The following PDZD2 variants were observed in gnomAD, a reference collection of about 807,000 sequenced individuals.
The protein encoded by PDZD2 is PDZ domain-containing protein 2.
Under a neutral mutation model 220.7 loss-of-function variants are expected in PDZD2, and 90 were observed. The observed-to-expected ratio is 0.41, with a 90% CI of 0.34 to 0.49. The LOEUF (loss-of-function observed/expected upper bound fraction) is 0.49. PDZD2 is among the 20% of genes least tolerant of loss of function. The pLI is 0.28. For missense variants in PDZD2, 3,174 were observed against 3,608.5 expected (o/e 0.88, Z 3.08); for synonymous variants, 1,375 against 1,450.5 (o/e 0.95, Z 1.18).
chr5:31,953,264 G>A (rs2111628165), intron 2 of PDZD2, among the ~76,000 whole-genome samples: 1 of 152,124 alleles, frequency 6.6e-6, no homozygotes, highest in South Asian at 2.1e-4. Context: ...AAAAGCAGAA[G>A]ATGAAAGACA....
At chr5:31,699,746 G>A (rs950244796) in intron 1 of PDZD2, among the ~76,000 whole-genome samples, 8 of 151,648 alleles carry the variant, frequency 5.3e-5, no homozygotes, top group African/African-American at 1.9e-4. Flanking sequence ...TGGGATTCCA[G>A]GCATACTACC....
intron 1 of PDZD2, among the ~76,000 whole-genome samples, chr5:31,697,492 C>T (rs1181565436): frequency 1.3e-5 from 2 of 152,084 alleles, no homozygotes; most frequent in African/African-American, 4.8e-5. Flanking sequence ...AAAAGAAAAT[C>T]GGAAAGAACA....
intron 1 of PDZD2, among the ~76,000 whole-genome samples, chr5:31,724,942 T>C (rs1026766): frequency 0.2 from 31,029 of 152,148 alleles, 3,357 homozygotes; most frequent in African/African-American, 0.28. Flanking sequence ...TTTCACCAAA[T>C]ACTTCAAGCA....
At chr5:31,944,893 A>G (rs1746503195) in intron 2 of PDZD2, among the ~76,000 whole-genome samples, 1 of 152,224 alleles carries the variant, frequency 6.6e-6, no homozygotes, top group Non-Finnish European at 1.5e-5. Flanking sequence ...CCTGTAGCCA[A>G]TTACCTCAGC....
chr5:31,920,597 A>G (rs1487316314), intron 2 of PDZD2, among the ~76,000 whole-genome samples: 1 of 151,982 alleles, frequency 6.6e-6, no homozygotes, highest in Non-Finnish European at 1.5e-5. Context: ...ACTTGAGGCC[A>G]GGAATTTGAG....
intron 5 of PDZD2, among the ~76,000 whole-genome samples, chr5:32,001,087 G>A (rs190167449): frequency 6.6e-6 from 1 of 152,342 alleles, no homozygotes; most frequent in East Asian, 1.9e-4. Context: ...AGGTGGGACA[G>A]TTTCATACCA....
At chr5:32,024,724 A>G (rs1280345057) in intron 6 of PDZD2, among the ~76,000 whole-genome samples, 22 of 151,800 alleles carry the variant, frequency 1.4e-4, no homozygotes, top group Admixed American at 1.4e-3. Flanking sequence ...AAAGAAAGAA[A>G]CGTGGGGTTT....
intron 1 of PDZD2, among the ~76,000 whole-genome samples, chr5:31,766,910 T>C (rs1752056352): frequency 6.6e-6 from 1 of 151,508 alleles, no homozygotes; most frequent in Admixed American, 6.6e-5. Context: ...ATATTTTTAG[T>C]AGAGACTGGG....
chr5:31,894,630 C>G (rs767171473), intron 2 of PDZD2, among the ~76,000 whole-genome samples: 2 of 152,146 alleles, frequency 1.3e-5, no homozygotes, highest in Non-Finnish European at 2.9e-5. Flanking sequence ...ACACTTATAA[C>G]ATGGTTATAA....
chr5:31,714,422 T>TG (rs892434423), intron 1 of PDZD2, among the ~76,000 whole-genome samples: 1 of 152,102 alleles, frequency 6.6e-6, no homozygotes, highest in African/African-American at 2.4e-5. Context: ...GGTAGATGGA[T>TG]GGGGGATGTT....
chr5:31,778,850 AG>A lies in PDZD2; in HGVS notation c.-360-20037del. Among the ~76,000 whole-genome samples, 3 of 152,278 alleles carry A rather than the reference AG, an allele frequency of 2.0e-5. No individual in the cohort carries two copies. In the Middle Eastern group the frequency reaches 0.01, roughly 518 times the overall value. On this transcript the variant is annotated intron_variant, in intron 1 of 24. Transcript: ENST00000438447. Reference sequence around the variant, plus strand: ...GCATTTAGAAGATCTAGATATTTAAAGGTGAAAAACCACTCATAGATCTCCT... The same window carrying A: ...GCATTTAGAAGATCTAGATATTTAAAGTGAAAAACCACTCATAGATCTCCT...
chr5:31,841,555 C>T (rs989102548), intron 2 of PDZD2, among the ~76,000 whole-genome samples: 1 of 152,108 alleles, frequency 6.6e-6, no homozygotes, highest in Non-Finnish European at 1.5e-5. Context: ...CGCCTGTAGT[C>T]CCAGCTACTC....
At chr5:31,716,803 G>A (rs1314450138) in intron 1 of PDZD2, among the ~76,000 whole-genome samples, 2 of 152,036 alleles carry the variant, frequency 1.3e-5, no homozygotes, top group African/African-American at 2.4e-5. Flanking sequence ...ACTCAGTCTC[G>A]GAAAAATATA....
chr5:31,921,378 T>A (rs1209536676), intron 2 of PDZD2, among the ~76,000 whole-genome samples: 1 of 151,596 alleles, frequency 6.6e-6, no homozygotes, highest in East Asian at 1.9e-4. Flanking sequence ...GTTGTACAGG[T>A]AAAAAAAAAC....
intron 3 of PDZD2, among the ~76,000 whole-genome samples, chr5:31,986,236 A>C (rs952630620): frequency 6.6e-6 from 1 of 151,972 alleles, no homozygotes; most frequent in Non-Finnish European, 1.5e-5. Flanking sequence ...CCTTTAGGGC[A>C]TTTTTTTTAA....
chr5:31,822,448 G>GT (rs58922873), intron 2 of PDZD2: 17,228 of 285,776 alleles, frequency 0.06, 27 homozygotes, highest in South Asian at 0.083. Flanking sequence ...TTTTTTTATA[G>GT]TTTTTTTTTT....
At chr5:32,065,235 G>A in intron 14 of PDZD2, among the ~76,000 whole-genome samples, 1 of 152,130 alleles carries the variant, frequency 6.6e-6, no homozygotes. Flanking sequence ...CGAGGTGGAG[G>A]TTGCAGTGAG....
intron 1 of PDZD2, among the ~76,000 whole-genome samples, chr5:31,750,819 A>G (rs1213374594): frequency 6.6e-6 from 1 of 152,076 alleles, no homozygotes; most frequent in East Asian, 1.9e-4. Context: ...CTGTGGCTGG[A>G]GTGGAGTGAG....
chr5:31,863,440 G>A (rs1320320539), intron 2 of PDZD2, among the ~76,000 whole-genome samples: 2 of 152,152 alleles, frequency 1.3e-5, no homozygotes, highest in Non-Finnish European at 2.9e-5. Flanking sequence ...TTTCCAGGTG[G>A]TTTCTTCTCA....
Sources: allele counts gnomAD v4.1 joint callset (sites outside exome capture counted in the v4.1 genomes callset), GRCh38; gene constraint gnomAD v4.1.1; transcripts MANE v1.5; gene names NCBI Gene and HGNC (gene_info 2026-07-23, HGNC 2026-07-21).